Variants in CDK5RAP3 observed in about 807,000 individuals in gnomAD.
The protein encoded by CDK5RAP3 is CDK5 regulatory subunit-associated protein 3.
Under a neutral mutation model 73.3 loss-of-function variants are expected in CDK5RAP3, and 58 were observed. That is an observed-to-expected ratio of 0.79 (90% CI 0.64 to 0.98). The LOEUF (loss-of-function observed/expected upper bound fraction) is 0.98. CDK5RAP3 is among the 50% of genes least tolerant of loss of function. The probability of loss-of-function intolerance (pLI) is 0.00; values close to 1 mark genes in which losing one functional copy is unlikely to be tolerated. For missense variants in CDK5RAP3, 525 were observed against 615.8 expected (o/e 0.85, Z 1.56); for synonymous variants, 224 against 247.5 (o/e 0.91, Z 0.89).
rs2036305775 is a variant in CDK5RAP3 at position 47,973,016 on chromosome 17, C to G, written c.53-503C>G. 2.0e-5 allele frequency among the ~76,000 whole-genome samples: 3 copies of G among 152,194 alleles called. No homozygotes were observed. The South Asian group carries it at 6.2e-4, about 32-fold the overall frequency. ...TTCACATGTACAGGGTGGTACTTCA[C>G]TGTTCACAACAGAGTCATGTTATCT... On this transcript the variant is annotated intron_variant, in intron 2 of 13. Coordinates refer to ENST00000338399, the MANE Select transcript of CDK5RAP3 (RefSeq NM_176096.3).
chr17:47,970,777 A>C (rs960132616), upstream of CDK5RAP3: 4 of 1,496,394 alleles, frequency 2.7e-6, no homozygotes, highest in Admixed American at 2.0e-5. Flanking sequence ...CAGACGTCTC[A>C]ATCTGCGTGG....
At chr17:47,975,044 G>C in intron 5 of CDK5RAP3, 115 bp from the exon 6 acceptor site, 1 of 1,605,506 alleles carries the variant, frequency 6.2e-7, no homozygotes, top group Non-Finnish European at 8.5e-7. Context: ...GGGAACAAGT[G>C]GGGCTGGGAA....
intron 10 of CDK5RAP3, chr17:47,978,141 C>G: frequency 2.6e-6 from 1 of 388,998 alleles, no homozygotes; most frequent in South Asian, 3.0e-5. Context: ...ATGATCTCAG[C>G]TCGCTGCAAC....
At chr17:47,979,255 C>T (rs575249538) in intron 11 of CDK5RAP3, 4 of 203,776 alleles carry the variant, frequency 2.0e-5, no homozygotes, top group African/African-American at 9.3e-5. Flanking sequence ...CCAAATGCCA[C>T]GGAGAAAGAG....
chr17:47,976,929 CAGGTA>C (rs1319974463), intron 9 of CDK5RAP3, 107 bp downstream of exon 9: 2 of 640,914 alleles, frequency 3.1e-6, no homozygotes, highest in Non-Finnish European at 5.3e-6. Context: ...GCTCTAAGAC[CAGGTA>C]TAGTCCAAGG....
rs754318141 is a variant in CDK5RAP3, at chr17:47,971,139, G to A, written c.-8G>A. 27 of 1,550,878 alleles carry A rather than the reference G, an allele frequency of 1.7e-5. No individual in the cohort carries two copies. In the South Asian group the frequency reaches 3.1e-4, roughly 18 times the overall value. ...CAGTCTCCAGCCTGAAGCGGAAGTG[G>A]AGGAAAGATGGAGGTGTGGGGACAG... is the stretch of plus-strand genomic sequence containing the variant. On this transcript the variant is annotated 5_prime_UTR_variant, in exon 1 of 14. Coordinates refer to ENST00000338399, the MANE Select transcript of CDK5RAP3 (RefSeq NM_176096.3).
upstream of CDK5RAP3, chr17:47,970,530 A>G (rs890844740): frequency 1.3e-6 from 1 of 763,070 alleles, no homozygotes; most frequent in East Asian, 2.7e-5. Flanking sequence ...CTTCGTTTAG[A>G]CTCAATGTAG....
At position 47,974,416 on chromosome 17, in the gene CDK5RAP3, T is replaced by C; in HGVS notation, c.302T>C (p.Ile101Thr). The C allele has an allele frequency of 6.2e-7, 1 of 1,614,136 alleles. No individual in the cohort carries two copies. The highest frequency in any genetic ancestry group is 2.2e-5 in the East Asian group (1 of 44,888). Residue 101 changes from isoleucine to threonine, a missense_variant, in exon 5 of 14, where the codon ATA becomes ACA. Ile to Thr is a moderately conservative substitution (Grantham distance 89). This residue lies in a region of CDK5RAP3 where 409 missense variants were observed against 429.8 expected (regional missense o/e 0.95). Coordinates refer to ENST00000338399, the MANE Select transcript of CDK5RAP3 (RefSeq NM_176096.3). ...CTTACTCAGGATTGGCAGGAGATTA[T>C]AGCTCTGTATGAGAAGGACAACACC... ...SQRMKDWQEI[I>T]ALYEKDNTYL...
At chr17:47,969,339 G>A (rs564220127), upstream of CDK5RAP3, among the ~76,000 whole-genome samples, 6 of 152,052 alleles carry the variant, frequency 3.9e-5, no homozygotes, top group East Asian at 1.2e-3. Flanking sequence ...GGAGAATCAC[G>A]AGGTCAGGAA....
chr17:47,970,571 C>G, upstream of CDK5RAP3: 1 of 1,179,628 alleles, frequency 8.5e-7, no homozygotes, highest in East Asian at 2.5e-5. Flanking sequence ...CACCGACTCT[C>G]TTCCTTCCCC....
intron 2 of CDK5RAP3, among the ~76,000 whole-genome samples, chr17:47,971,650 G>A (rs573635254): frequency 7.9e-5 from 12 of 152,240 alleles, no homozygotes; most frequent in Non-Finnish European, 1.3e-4. Flanking sequence ...ATCATTCAGG[G>A]ACAGGATAAA....
At chr17:47,973,493 C>T (rs1390866638) in intron 2 of CDK5RAP3, 26 bp from the exon 3 acceptor site, 5 of 1,607,672 alleles carry the variant, frequency 3.1e-6, no homozygotes, top group Admixed American at 1.7e-5. Flanking sequence ...AATGGGAATG[C>T]TCTAATTTGG....
chr17:47,974,482 A>G (rs1220923639), intron 5 of CDK5RAP3, 34 bp downstream of exon 5: 17 of 1,613,968 alleles, frequency 1.1e-5, no homozygotes, highest in African/African-American at 2.7e-5. Flanking sequence ...CCTGGTATCC[A>G]TGGGGAAGCC....
chr17:47,980,858 C>A, intron 12 of CDK5RAP3, 60 bp downstream of exon 12: 1 of 1,524,644 alleles, frequency 6.6e-7, no homozygotes, highest in Non-Finnish European at 9.1e-7. Flanking sequence ...TCCTTGTATT[C>A]CTCCTCTTGT....
upstream of CDK5RAP3, chr17:47,971,030 G>A (rs1197997225): frequency 1.2e-5 from 19 of 1,525,472 alleles, no homozygotes; most frequent in East Asian, 3.4e-4. Context: ...GGAAGGCGGC[G>A]ACGTGGCCGA....
At chr17:47,975,396 C>G in intron 6 of CDK5RAP3, 59 bp downstream of exon 6, 1 of 1,601,884 alleles carries the variant, frequency 6.2e-7, no homozygotes, top group Non-Finnish European at 8.5e-7. Context: ...TTGTCTTCCT[C>G]TGACCCCGTC....
At chr17:47,978,069 GTTTTT>G in intron 10 of CDK5RAP3, 159 bp downstream of exon 10, 4 of 297,272 alleles carry the variant, frequency 1.3e-5, no homozygotes, top group East Asian at 7.4e-5. Context: ...ACCAAGAGAG[GTTTTT>G]TTTTTTTTTT....
At chr17:47,973,486 G>A (rs2144216418) in intron 2 of CDK5RAP3, 33 bp from the exon 3 acceptor site, 16 of 1,603,536 alleles carry the variant, frequency 1.0e-5, no homozygotes, top group African/African-American at 2.7e-5. Flanking sequence ...TGATGTGAAT[G>A]GGAATGCTCT....
At chr17:47,974,362 C>G in intron 4 of CDK5RAP3, 38 bp from the exon 5 acceptor site, 1 of 1,580,620 alleles carries the variant, frequency 6.3e-7, no homozygotes, top group Admixed American at 1.7e-5. Context: ...CTGTCGAGTG[C>G]TTTTCTGGCT....
Sources: gnomAD v4.1 joint callset for allele counts (sites outside exome capture counted in the v4.1 genomes callset) on GRCh38, gnomAD v4.1.1 for gene constraint, gnomAD v4.1.1 regional missense constraint, MANE v1.5 for transcripts, NCBI Gene and HGNC (gene_info 2026-07-23, HGNC 2026-07-21) for gene names.